RNF121: variants seen among roughly 807,000 people sequenced by gnomAD.
RNF121 encodes E3 ubiquitin ligase RNF121.
A neutral mutation model predicts 46.5 loss-of-function variants in RNF121; 21 were observed. The observed-to-expected ratio is 0.45, with a 90% confidence interval of 0.32 to 0.65. RNF121 has a LOEUF of 0.65. Among genes scored for constraint, RNF121 ranks in the 30% least tolerant of loss-of-function variants. The probability of loss-of-function intolerance (pLI) is 0.04; values close to 1 mark genes in which losing one functional copy is unlikely to be tolerated. For synonymous variants in RNF121, 139 were observed against 144.7 expected (o/e 0.96, Z 0.28); for missense variants, 346 against 416.0 (o/e 0.83, Z 1.46).
intron 3 of RNF121, among the ~76,000 whole-genome samples, chr11:71,961,743 AT>A (rs1954138626): frequency 6.6e-6 from 1 of 152,122 alleles, no homozygotes; most frequent in Admixed American, 6.5e-5. Flanking sequence ...AAATCCCCTC[AT>A]TTATCGATAT....
rs1541306 is a variant in RNF121 at position 71,996,967 on chromosome 11, G to A, written c.*652G>A. The A allele has an allele frequency of 0.81, 123,437 of 152,332 alleles. 52,111 individuals carry two copies. The highest frequency in any genetic ancestry group is 0.94 in the Non-Finnish European group (64,243 of 68,110). The allele number at this position is 152,332 out of a possible 1,614,324, so 9.4% of individuals were successfully genotyped here. ...CCTTGGGGCCTCAGAATTCATTGAA[G>A]ATTTGTTTTGGGACAACTGGAAGAA... On this transcript the variant is annotated 3_prime_UTR_variant, in exon 9 of 9. Coordinates refer to ENST00000361756, the MANE Select transcript of RNF121 (RefSeq NM_018320.5).
At chr11:71,948,006 TTC>T (rs1953766255) in intron 1 of RNF121, among the ~76,000 whole-genome samples, 1 of 152,180 alleles carries the variant, frequency 6.6e-6, no homozygotes, top group Non-Finnish European at 1.5e-5. Flanking sequence ...GATAGTTCTG[TTC>T]TGAAAGATTC....
intron 1 of RNF121, among the ~76,000 whole-genome samples, chr11:71,945,921 T>A (rs2363736): frequency 0.81 from 123,273 of 151,932 alleles, 52,079 homozygotes; most frequent in Non-Finnish European, 0.94. Context: ...AAGACCAGCT[T>A]GGGCAACATA....
At chr11:71,981,997 C>T (rs890339293) in intron 3 of RNF121, among the ~76,000 whole-genome samples, 33 of 152,072 alleles carry the variant, frequency 2.2e-4, no homozygotes, top group African/African-American at 7.2e-4. Context: ...CGGAAGGCTT[C>T]GTGTGTCTTG....
intron 1 of RNF121, 131 bp downstream of exon 1, chr11:71,929,255 G>T: frequency 7.0e-7 from 1 of 1,418,848 alleles, no homozygotes; most frequent in Admixed American, 2.8e-5. Context: ...TAGGGGGCGG[G>T]TGCGTGGAGA....
intron 3 of RNF121, chr11:71,978,077 T>C (rs1393972785): frequency 3.3e-6 from 1 of 305,452 alleles, no homozygotes; most frequent in African/African-American, 2.3e-5. Context: ...TGTATTTTTT[T>C]TTTTTAAGAG....
chr11:71,936,616 G>A (rs1398688905), intron 1 of RNF121, among the ~76,000 whole-genome samples: 2 of 151,794 alleles, frequency 1.3e-5, no homozygotes, highest in East Asian at 1.9e-4. Flanking sequence ...GGATGGTCTC[G>A]ATCTCCTGAC....
intron 6 of RNF121, among the ~76,000 whole-genome samples, chr11:71,992,055 G>A (rs1297565937): frequency 6.6e-6 from 1 of 152,072 alleles, no homozygotes; most frequent in Non-Finnish European, 1.5e-5. Context: ...CAGTGAGCTT[G>A]TTCATGCCAC....
At chr11:71,975,234 T>C (rs1954504721) in intron 3 of RNF121, among the ~76,000 whole-genome samples, 1 of 152,232 alleles carries the variant, frequency 6.6e-6, no homozygotes, top group Non-Finnish European at 1.5e-5. Flanking sequence ...TAAGGGGTTG[T>C]AATTCACTTT....
intron 3 of RNF121, among the ~76,000 whole-genome samples, chr11:71,981,555 G>A (rs1396160476): frequency 2.0e-5 from 3 of 152,152 alleles, no homozygotes; most frequent in Admixed American, 6.5e-5. Flanking sequence ...AGTGACAGAA[G>A]GGTGGTTGAG....
At chr11:71,977,288 G>C (rs979033306) in intron 3 of RNF121, among the ~76,000 whole-genome samples, 3 of 152,218 alleles carry the variant, frequency 2.0e-5, no homozygotes, top group African/African-American at 7.2e-5. Context: ...CCAAGCACCT[G>C]TGGACTGGAA....
intron 3 of RNF121, among the ~76,000 whole-genome samples, chr11:71,972,207 A>G (rs938760133): frequency 2.0e-5 from 3 of 152,202 alleles, no homozygotes; most frequent in Non-Finnish European, 4.4e-5. Flanking sequence ...AGGTACAAAC[A>G]AAAATATACA....
intron 1 of RNF121, among the ~76,000 whole-genome samples, chr11:71,946,963 G>A (rs1407989608): frequency 6.7e-6 from 1 of 150,036 alleles, no homozygotes; most frequent in Non-Finnish European, 1.5e-5. Flanking sequence ...CGCTTCCTGG[G>A]TTCCAGCAAT....
chr11:71,973,012 C>A (rs1219737627), intron 3 of RNF121, among the ~76,000 whole-genome samples: 1 of 151,982 alleles, frequency 6.6e-6, no homozygotes, highest in Non-Finnish European at 1.5e-5. Flanking sequence ...CATGGAGAAA[C>A]CTTGTCTCTA....
At chr11:71,944,086 CT>C (rs1953656255) in intron 1 of RNF121, among the ~76,000 whole-genome samples, 1 of 152,150 alleles carries the variant, frequency 6.6e-6, no homozygotes, top group Non-Finnish European at 1.5e-5. Flanking sequence ...AATCCCAGCA[CT>C]TTGGGAGGCT....
At chr11:71,945,341 C>T (rs947023306) in intron 1 of RNF121, among the ~76,000 whole-genome samples, 1 of 152,070 alleles carries the variant, frequency 6.6e-6, no homozygotes, top group Non-Finnish European at 1.5e-5. Flanking sequence ...TTTCACATGG[C>T]CACTGTGCCA....
rs74571183 is a variant in RNF121, at chr11:71,942,423, T to G, written c.63+13299T>G. On this transcript the variant is annotated intron_variant, in intron 1 of 8. Transcript: ENST00000361756. Reference sequence around the variant, plus strand: ...GATTCGGTGGGGGGTGTTTTAGTCCTTTTGGGCTGCTATAGTAAAATACCT... The same window carrying G: ...GATTCGGTGGGGGGTGTTTTAGTCCGTTTGGGCTGCTATAGTAAAATACCT... Among the ~76,000 whole-genome samples, 720 of 152,148 alleles carry G rather than the reference T, an allele frequency of 4.7e-3. 10 individuals are homozygous for G. The highest frequency in any genetic ancestry group is 0.017 in the African/African-American group (693 of 41,492).
At chr11:71,960,434 C>T (rs75813068) in intron 2 of RNF121, among the ~76,000 whole-genome samples, 1 of 152,174 alleles carries the variant, frequency 6.6e-6, no homozygotes, top group African/African-American at 2.4e-5. Flanking sequence ...GGCAATGATG[C>T]AGGTTTCTCC....
At chr11:71,974,233 G>A (rs547102743) in intron 3 of RNF121, among the ~76,000 whole-genome samples, 117 of 152,292 alleles carry the variant, frequency 7.7e-4, no homozygotes, top group Non-Finnish European at 1.5e-3. Context: ...GAGCCACCAC[G>A]CCCAGCCAAG....
Sources: gnomAD v4.1 joint callset for allele counts (sites outside exome capture counted in the v4.1 genomes callset) on GRCh38, gnomAD v4.1.1 for gene constraint, MANE v1.5 for transcripts, NCBI Gene and HGNC (gene_info 2026-07-23, HGNC 2026-07-21) for gene names.